Variants in SORCS2 observed in about 807,000 individuals in gnomAD.
SORCS2 encodes VPS10 domain-containing receptor SorCS2.
SORCS2 carries 100 observed loss-of-function variants against 141.6 expected under a neutral mutation model. The observed-to-expected ratio is 0.71, with a 90% CI of 0.60 to 0.83. The LOEUF is 0.83. Among genes scored for constraint, SORCS2 ranks in the 40% least tolerant of loss-of-function variants. The pLI is 0.00. For synonymous variants in SORCS2, 789 were observed against 676.9 expected (o/e 1.17, Z -2.57); for missense variants, 1,646 against 1,560.2 (o/e 1.05, Z -0.93).
chr4:7,331,150 G>A (rs909542456), intron 1 of SORCS2, among the ~76,000 whole-genome samples: 1 of 152,166 alleles, frequency 6.6e-6, no homozygotes, highest in African/African-American at 2.4e-5. Flanking sequence ...CTGGTGAGGA[G>A]GAGGCTGTGT....
intron 1 of SORCS2, among the ~76,000 whole-genome samples, chr4:7,203,086 A>T (rs952553926): frequency 5.3e-5 from 8 of 152,172 alleles, no homozygotes; most frequent in African/African-American, 1.9e-4. Flanking sequence ...GCTAGTGAGG[A>T]TCTGAGCTGT....
At chr4:7,725,083 A>G in intron 19 of SORCS2, 71 bp from the exon 20 acceptor site, 2 of 1,520,812 alleles carry the variant, frequency 1.3e-6, no homozygotes, top group Non-Finnish European at 1.8e-6. Context: ...GGTGACAGTG[A>G]TCACTAAGCA....
intron 2 of SORCS2, among the ~76,000 whole-genome samples, chr4:7,401,486 A>T (rs1190577509): frequency 6.6e-6 from 1 of 152,210 alleles, no homozygotes; most frequent in African/African-American, 2.4e-5. Context: ...CCAGGAAATC[A>T]GAGTTGGCTC....
At chr4:7,368,659 A>G (rs1722059896) in intron 1 of SORCS2, among the ~76,000 whole-genome samples, 1 of 152,202 alleles carries the variant, frequency 6.6e-6, no homozygotes, top group Non-Finnish European at 1.5e-5. Flanking sequence ...AGGGGCCAAG[A>G]CATGTTCCCT....
chr4:7,294,382 A>C (rs1042400536), intron 1 of SORCS2, among the ~76,000 whole-genome samples: 6 of 152,008 alleles, frequency 3.9e-5, no homozygotes, highest in Non-Finnish European at 7.4e-5. Flanking sequence ...AAGGACTATG[A>C]GGCCAGAGGT....
intron 1 of SORCS2, among the ~76,000 whole-genome samples, chr4:7,351,709 C>CCATCCATCCCTCCAT (rs76181180): frequency 6.6e-6 from 1 of 151,268 alleles, no homozygotes; most frequent in African/African-American, 2.4e-5. Flanking sequence ...ATCCATCCAT[C>CCATCCATCCCTCCAT]CTTCTACCCA....
chr4:7,544,057 C>T lies in SORCS2; in HGVS notation c.648+12428C>T, dbSNP rs555084888. 2.5e-4 allele frequency among the ~76,000 whole-genome samples: 30 copies of T among 118,224 alleles called. No homozygotes were observed. The South Asian group carries it at 7.6e-3, about 30-fold the overall frequency. 77.6% of individuals were successfully genotyped at this position (118,224 alleles called of 152,430 possible). On this transcript the variant is annotated intron_variant, in intron 3 of 26. Coordinates refer to ENST00000507866, the MANE Select transcript of SORCS2 (RefSeq NM_020777.3). ...CCACCCACCCATCCATCCAGCCACC[C>T]ACCCATCCATCCACCCATCCATCCA...
intron 2 of SORCS2, among the ~76,000 whole-genome samples, chr4:7,481,840 A>G (rs1427576539): frequency 6.6e-6 from 1 of 152,024 alleles, no homozygotes; most frequent in African/African-American, 2.4e-5. Context: ...GGCAACGGCG[A>G]CCTTTGTCAC....
intron 1 of SORCS2, among the ~76,000 whole-genome samples, chr4:7,276,572 G>T (rs1042787993): frequency 3.3e-5 from 5 of 152,082 alleles, no homozygotes; most frequent in Admixed American, 6.5e-5. Context: ...TGCCTCCCCC[G>T]CTCCAGGCCC....
In SORCS2 at chr4:7,286,566, G is replaced by A. The variant is rs1577356515; in HGVS notation, c.480+93440G>A. Among the ~76,000 whole-genome samples, 8 of 152,304 alleles carry A rather than the reference G, an allele frequency of 5.3e-5. No individual in the cohort carries two copies. The South Asian group carries it at 1.7e-3, about 32-fold the overall frequency. ...GCTGGGGTCGGTCCCAGGACCAGAA[G>A]GGACATGGTCCCATTCGGTCCCAGG... On this transcript the variant is annotated intron_variant, in intron 1 of 26. Coordinates refer to ENST00000507866, the MANE Select transcript of SORCS2 (RefSeq NM_020777.3). The surrounding 1 kb of genome is among the most constrained non-coding windows in gnomAD (Gnocchi z 4.1).
intron 3 of SORCS2, among the ~76,000 whole-genome samples, chr4:7,550,291 A>G (rs1467042390): frequency 1.3e-5 from 2 of 151,408 alleles, no homozygotes; most frequent in African/African-American, 4.8e-5. Context: ...CCAGCAAGGC[A>G]CTGGGGGCCT....
At chr4:7,460,646 C>T (rs747260423) in intron 2 of SORCS2, among the ~76,000 whole-genome samples, 2 of 152,102 alleles carry the variant, frequency 1.3e-5, no homozygotes, top group Non-Finnish European at 2.9e-5. Flanking sequence ...GCTGTGTAAT[C>T]GAGATTTGGT....
intron 2 of SORCS2, among the ~76,000 whole-genome samples, chr4:7,481,020 A>G (rs1730596397): frequency 6.6e-6 from 1 of 152,244 alleles, no homozygotes; most frequent in Non-Finnish European, 1.5e-5. Flanking sequence ...TCCTAGACCG[A>G]CTGTCCTCCC....
At chr4:7,384,462 G>A (rs964955285) in intron 1 of SORCS2, among the ~76,000 whole-genome samples, 17 of 152,308 alleles carry the variant, frequency 1.1e-4, no homozygotes, top group African/African-American at 4.1e-4. Flanking sequence ...CAGACCTCGG[G>A]GGACTGGGGC....
chr4:7,391,630 C>T (rs753413437), intron 1 of SORCS2, among the ~76,000 whole-genome samples: 27 of 152,150 alleles, frequency 1.8e-4, no homozygotes, highest in Non-Finnish European at 3.2e-4. Flanking sequence ...AGCGAGCAGG[C>T]CCTTCCCTGG....
intron 4 of SORCS2, among the ~76,000 whole-genome samples, chr4:7,649,776 T>G (rs1246770985): frequency 6.6e-6 from 1 of 152,130 alleles, no homozygotes; most frequent in Non-Finnish European, 1.5e-5. Flanking sequence ...CTGTTTCCCT[T>G]CTGAGATTCT....
intron 2 of SORCS2, among the ~76,000 whole-genome samples, chr4:7,423,528 T>C (rs1306107103): frequency 2.0e-5 from 3 of 152,152 alleles, no homozygotes; most frequent in Non-Finnish European, 4.4e-5. Flanking sequence ...AGTGCTCCCA[T>C]CCCAGCCTCC....
At chr4:7,476,382 G>T (rs1730293186) in intron 2 of SORCS2, among the ~76,000 whole-genome samples, 1 of 152,270 alleles carries the variant, frequency 6.6e-6, no homozygotes, top group Non-Finnish European at 1.5e-5. Context: ...GGGGCTGGCT[G>T]GGCAGAGTTT....
At position 7,570,753 on chromosome 4, in the gene SORCS2, AC is replaced by A. The variant is rs569226963; in HGVS notation, c.648+39129del. 4.1e-3 allele frequency among the ~76,000 whole-genome samples: 619 copies of A among 151,464 alleles called. 3 individuals carry two copies. The highest frequency in any genetic ancestry group is 0.014 in the African/African-American group (566 of 41,244). The stretch of plus-strand genomic sequence containing the variant: ...TCAGCAAGCCTTTTCATCTCCAGGA[AC>A]CCCCAGTTCTCATCCAGAGGGGAGG... On this transcript the variant is annotated intron_variant, in intron 3 of 26. Coordinates refer to ENST00000507866, the MANE Select transcript of SORCS2 (RefSeq NM_020777.3).
Sources: allele counts gnomAD v4.1 joint callset (sites outside exome capture counted in the v4.1 genomes callset), GRCh38; gene constraint gnomAD v4.1.1; non-coding constraint Gnocchi (gnomAD v3.1); transcripts MANE v1.5; gene names NCBI Gene and HGNC (gene_info 2026-07-23, HGNC 2026-07-21).